Variants in SRD5A3 observed in about 807,000 individuals in gnomAD.
The protein encoded by SRD5A3 is steroid 5 alpha-reductase 3, also known as polyprenal reductase.
A neutral mutation model predicts 34.3 loss-of-function variants in SRD5A3; 24 were observed. The observed-to-expected ratio is 0.70, with a 90% CI of 0.51 to 0.99. The LOEUF is 0.99. Ranked by LOEUF, SRD5A3 falls within the 50% of genes least tolerant of loss-of-function variation. The pLI is 0.00. For missense variants in SRD5A3, 350 were observed against 388.2 expected, an observed-to-expected ratio of 0.90 and a Z score of 0.83; for synonymous variants, 161 against 167.3, an observed-to-expected ratio of 0.96 and a Z score of 0.29.
chr4:55,352,535 G>A, intron 1 of SRD5A3: 1 of 482,740 alleles, frequency 2.1e-6, no homozygotes, highest in South Asian at 2.2e-5. Context: ...CATTTCATGA[G>A]TTTATATTTG....
At position 55,363,875 on chromosome 4, in the gene SRD5A3, C is replaced by CCAGTGAACTGTGTAACA. The variant is rs370212479; in HGVS notation, c.365-183_365-167dup. On this transcript the variant is annotated intron_variant, in intron 2 of 4. Coordinates refer to ENST00000264228, the MANE Select transcript of SRD5A3 (RefSeq NM_024592.5). ...AATTGAGTGATGGGTGTTTGTGAAC[C>CCAGTGAACTGTGTAACA]CAGTGAACTGTGTAACACAGTGAAC... The CCAGTGAACTGTGTAACA allele has an allele frequency of 3.8e-5, 24 of 628,724 alleles. 1 individual carries two copies. The highest frequency in any genetic ancestry group is 5.7e-5 in the Non-Finnish European group (20 of 350,392). 38.9% of individuals were successfully genotyped at this position (628,724 alleles called of 1,614,324 possible). A position where few individuals can be genotyped will look rare whatever the true frequency, so the allele number is the denominator to read the frequency against.
Position 55,370,074 on chromosome 4 carries a change from C to G in SRD5A3, c.940C>G (p.Leu314Val). The stretch of plus-strand genomic sequence containing the variant: ...TTACCCGAAGCATAGGAAAGCTTTC[C>G]TACCATTTTTGTTTTAAGTTAACCT... ...VSYPKHRKAF[L>V]PFLF The change falls in exon 5 of 5, where the codon CTA becomes GTA. Residue 314 changes from leucine (L) to valine (V), a missense_variant. By Grantham distance (32) the Leu-to-Val change is conservative. Around this residue, in one of 3 missense-constraint regions of SRD5A3, gnomAD observed 186 missense variants for 221.4 expected, o/e 0.84. Coordinates refer to ENST00000264228, the MANE Select transcript of SRD5A3 (RefSeq NM_024592.5). 1.2e-6 allele frequency: 2 copies of G among 1,613,652 alleles called. No individual in the cohort carries two copies. The highest frequency in any genetic ancestry group is 1.7e-6 in the Non-Finnish European group (2 of 1,180,010).
At chr4:55,347,025 G>T (rs1167258002) in intron 1 of SRD5A3, among the ~76,000 whole-genome samples, 1 of 152,208 alleles carries the variant, frequency 6.6e-6, no homozygotes, top group South Asian at 2.1e-4. Flanking sequence ...CTTCGGCCTC[G>T]GCTTCCCCCG....
At chr4:55,362,107 G>T (rs1465493592) in intron 2 of SRD5A3, among the ~76,000 whole-genome samples, 2 of 151,898 alleles carry the variant, frequency 1.3e-5, no homozygotes, top group Admixed American at 6.6e-5. Flanking sequence ...TACACTAGGG[G>T]GTGCTGTTCG....
rs1486338182 is a variant in SRD5A3 at position 55,359,453 on chromosome 4, GTT to G, written c.331_332del (p.Leu111AlafsTer108). The G allele has an allele frequency of 3.1e-6, 5 of 1,613,724 alleles. No individual in the cohort carries two copies. The highest frequency in any genetic ancestry group is 1.7e-5 in the Admixed American group (1 of 59,950). ...GCACCTTTTCCAAGCTGGCTTCATG[GTT>G]TGCTCAGAATTCTCGGGGCGGCACA... On this transcript the variant is annotated frameshift_variant, in exon 2 of 5. Transcript: ENST00000264228. LOFTEE classifies it high-confidence loss of function.
chr4:55,348,557 G>A (rs183246829), intron 1 of SRD5A3, among the ~76,000 whole-genome samples: 72 of 152,080 alleles, frequency 4.7e-4, no homozygotes, highest in Non-Finnish European at 9.0e-4. Flanking sequence ...AAAAAAATGT[G>A]CTAATGGCTA....
chr4:55,348,454 G>C (rs1474105801), intron 1 of SRD5A3, among the ~76,000 whole-genome samples: 1 of 152,156 alleles, frequency 6.6e-6, no homozygotes, highest in African/African-American at 2.4e-5. Flanking sequence ...AATTAGAGTT[G>C]GGTGGAGGTA....
intron 1 of SRD5A3, among the ~76,000 whole-genome samples, chr4:55,353,521 C>T (rs533732545): frequency 3.3e-5 from 5 of 152,194 alleles, no homozygotes; most frequent in African/African-American, 9.6e-5. Flanking sequence ...GAGCCAGCAG[C>T]GCCAAGTCAC....
At chr4:55,347,163 G>T (rs1016494135) in intron 1 of SRD5A3, among the ~76,000 whole-genome samples, 3 of 152,206 alleles carry the variant, frequency 2.0e-5, no homozygotes, top group Non-Finnish European at 4.4e-5. Context: ...AGCTCCATTT[G>T]ACTTTCGAAA....
chr4:55,355,061 GGA>G (rs537942085), intron 1 of SRD5A3, among the ~76,000 whole-genome samples: 1 of 152,244 alleles, frequency 6.6e-6, no homozygotes, highest in Non-Finnish European at 1.5e-5. Flanking sequence ...GAGGAAAAAA[GGA>G]GAGTGTCCAA....
chr4:55,372,959 A>G lies in SRD5A3; in HGVS notation c.*2868A>G, dbSNP rs1489915425. On this transcript the variant is annotated 3_prime_UTR_variant, in exon 5 of 5. Transcript: ENST00000264228. ...ACAAAAAAAAAAAAAACCGTTGCAG[A>G]TATTTTTGTATGTAGCTTAATAGAT... 2.0e-5 allele frequency: 3 copies of G among 151,736 alleles called. No individual in the cohort carries two copies. The highest frequency in any genetic ancestry group is 4.4e-5 in the Non-Finnish European group (3 of 67,960). 9.4% of individuals were successfully genotyped at this position (151,736 alleles called of 1,614,324 possible). A position where few individuals can be genotyped will look rare whatever the true frequency, so the allele number is the denominator to read the frequency against.
At chr4:55,359,050 G>C (rs938259944) in intron 1 of SRD5A3, 3 of 391,558 alleles carry the variant, frequency 7.7e-6, no homozygotes, top group African/African-American at 6.2e-5. Flanking sequence ...GTCCAATTCT[G>C]TTACCCAGCA....
chr4:55,365,992 C>G (rs923688081), intron 3 of SRD5A3, among the ~76,000 whole-genome samples: 3 of 152,236 alleles, frequency 2.0e-5, no homozygotes, highest in Non-Finnish European at 4.4e-5. Context: ...AGAAGACTAT[C>G]TGTAAACTAG....
rs1720127112 is a variant in SRD5A3 at position 55,371,578 on chromosome 4, T to C, written c.*1487T>C. The C allele has an allele frequency of 6.6e-6, 1 of 152,190 alleles. No homozygotes were observed. The highest frequency in any genetic ancestry group is 1.5e-5 in the Non-Finnish European group (1 of 68,048). The allele number at this position is 152,190 out of a possible 1,614,324, so 9.4% of individuals were successfully genotyped here. ...AGAACCTTATGATTAATAAGACACA[T>C]ATCAAATGCATAGTCAATCATTCCC... On this transcript the variant is annotated 3_prime_UTR_variant, in exon 5 of 5. Coordinates refer to ENST00000264228, the MANE Select transcript of SRD5A3 (RefSeq NM_024592.5).
intron 2 of SRD5A3, among the ~76,000 whole-genome samples, chr4:55,363,399 A>G (rs1719759113): frequency 6.6e-6 from 1 of 152,128 alleles, no homozygotes. Flanking sequence ...GTGCCACTGC[A>G]CTCTAGCCTG....
In SRD5A3 at chr4:55,372,909, A is replaced by G. The variant is rs1406500027; in HGVS notation, c.*2818A>G. 1 of 148,864 alleles carries G rather than the reference A, an allele frequency of 6.7e-6. No individual in the cohort carries two copies. Among genetic ancestry groups the G allele is most frequent in the African/African-American group, 2.5e-5 (1 of 40,438 alleles). The allele number at this position is 148,864 out of a possible 1,614,324, so 9.2% of individuals were successfully genotyped here. Reference sequence around the variant, plus strand: ...TGCCCTGTATTCGATTTTTACTTCAATGAGTGGTTATTGCTAGAATTCCTA... The same window carrying G: ...TGCCCTGTATTCGATTTTTACTTCAGTGAGTGGTTATTGCTAGAATTCCTA... On this transcript the variant is annotated 3_prime_UTR_variant, in exon 5 of 5. Coordinates refer to ENST00000264228, the MANE Select transcript of SRD5A3 (RefSeq NM_024592.5).
At chr4:55,354,839 C>T (rs1309832113) in intron 1 of SRD5A3, among the ~76,000 whole-genome samples, 1 of 152,222 alleles carries the variant, frequency 6.6e-6, no homozygotes, top group African/African-American at 2.4e-5. Flanking sequence ...TGCGCGCGTA[C>T]GCATGTGTAA....
chr4:55,368,626 A>G (rs1719999594), intron 4 of SRD5A3, among the ~76,000 whole-genome samples: 1 of 151,680 alleles, frequency 6.6e-6, no homozygotes, highest in South Asian at 2.1e-4. Context: ...AGGTTTTGCC[A>G]TGTTAGCCAG....
At chr4:55,365,111 A>C (rs1011068576) in intron 3 of SRD5A3, among the ~76,000 whole-genome samples, 2 of 152,210 alleles carry the variant, frequency 1.3e-5, no homozygotes, top group African/African-American at 4.8e-5. Context: ...TGCTGAGGTT[A>C]ACCTGACCTT....
Sources: gnomAD v4.1 joint callset for allele counts (sites outside exome capture counted in the v4.1 genomes callset) on GRCh38, gnomAD v4.1.1 for gene constraint, gnomAD v4.1.1 regional missense constraint, MANE v1.5 for transcripts, NCBI Gene and HGNC (gene_info 2026-07-23, HGNC 2026-07-21) for gene names.